Variants in CNTNAP5 observed in about 807,000 individuals in gnomAD.
CNTNAP5 encodes the protein contactin-associated protein-like 5.
CNTNAP5 carries 72 observed loss-of-function variants against 150.2 expected under a neutral mutation model. The ratio of observed to expected loss-of-function variants is 0.48; its 90% CI spans 0.40 to 0.58. The LOEUF is 0.58. CNTNAP5 is among the 20% of genes least tolerant of loss of function. CNTNAP5 has a pLI of 0.00. For missense variants in CNTNAP5, 1,636 were observed against 1,626.2 expected (o/e 1.01, Z -0.10); for synonymous variants, 672 against 619.8 (o/e 1.08, Z -1.25).
chr2:124,109,979 C>T (rs1683258357), intron 1 of CNTNAP5, among the ~76,000 whole-genome samples: 1 of 152,160 alleles, frequency 6.6e-6, no homozygotes, highest in Non-Finnish European at 1.5e-5. Flanking sequence ...CATAACTTCA[C>T]AAAATTACAA....
chr2:124,680,335 T>G (rs1464931891), intron 13 of CNTNAP5, among the ~76,000 whole-genome samples: 3 of 151,890 alleles, frequency 2.0e-5, no homozygotes, highest in Admixed American at 6.7e-5. Context: ...AAACAGTGCA[T>G]GTACTGCCCC....
rs1366493659 is a variant in CNTNAP5 at position 124,760,017 on chromosome 2, A to T, written c.2235-3655A>T. On this transcript the variant is annotated intron_variant, in intron 14 of 23. Coordinates refer to ENST00000682447, the MANE Select transcript of CNTNAP5 (RefSeq NM_001367498.1). Reference sequence around the variant, plus strand: ...CAAAAGAGAAATAATTGCTCCTTAAACAAAGCTAAGACAGAATTATCAGCA... The same window carrying T: ...CAAAAGAGAAATAATTGCTCCTTAATCAAAGCTAAGACAGAATTATCAGCA... Among the ~76,000 whole-genome samples, 5 of 151,258 alleles carry T rather than the reference A, an allele frequency of 3.3e-5. No individual in the cohort carries two copies. In the East Asian group the frequency reaches 9.8e-4, roughly 29 times the overall value.
At chr2:124,754,132 T>C (rs1180766653) in intron 14 of CNTNAP5, among the ~76,000 whole-genome samples, 1 of 152,156 alleles carries the variant, frequency 6.6e-6, no homozygotes, top group Non-Finnish European at 1.5e-5. Flanking sequence ...CCTTCACCTC[T>C]GAGATTCCCA....
chr2:124,366,886 C>G (rs1354247373), intron 3 of CNTNAP5, among the ~76,000 whole-genome samples: 7 of 152,148 alleles, frequency 4.6e-5, no homozygotes, highest in African/African-American at 1.7e-4. Context: ...AAGAGGTTCT[C>G]TTCTGCTGAG....
rs769731055 is a variant in CNTNAP5 at position 124,713,323 on chromosome 2, CTT to C, written c.2078-33904_2078-33903del. ...TTTCTTCTTTCTCTTTCTTTCCTTT[CTT>C]TCTTTCTTTCTTTCTTTCTTTCTTT... On this transcript the variant is annotated intron_variant, in intron 13 of 23. Transcript: ENST00000682447. Among the ~76,000 whole-genome samples the C allele has an allele frequency of 2.5e-3, 106 of 41,906 alleles. 3 individuals carry two copies. Among genetic ancestry groups the C allele is most frequent in the Admixed American group, 4.4e-3 (12 of 2,758 alleles). The allele number at this position is 41,906 out of a possible 152,430, so 27.5% of individuals were successfully genotyped here. A position where few individuals can be genotyped will look rare whatever the true frequency, so the allele number is the denominator to read the frequency against.
chr2:124,363,314 C>G (rs888513125), intron 3 of CNTNAP5, among the ~76,000 whole-genome samples: 2 of 152,128 alleles, frequency 1.3e-5, no homozygotes, highest in African/African-American at 4.8e-5. Flanking sequence ...TTGATTTCAT[C>G]TATTCTCATG....
At chr2:124,845,588 G>C (rs1683032402) in intron 19 of CNTNAP5, among the ~76,000 whole-genome samples, 1 of 151,960 alleles carries the variant, frequency 6.6e-6, no homozygotes, top group African/African-American at 2.4e-5. Context: ...ATTAATGATA[G>C]AATTAAACTG....
At chr2:124,396,877 C>A (rs1005929043) in intron 3 of CNTNAP5, among the ~76,000 whole-genome samples, 2 of 152,120 alleles carry the variant, frequency 1.3e-5, no homozygotes, top group Non-Finnish European at 2.9e-5. Context: ...GAATACAGGT[C>A]CCCCAGTATT....
intron 19 of CNTNAP5, among the ~76,000 whole-genome samples, chr2:124,809,678 G>A (rs1426709826): frequency 1.3e-5 from 2 of 152,108 alleles, no homozygotes; most frequent in Admixed American, 1.3e-4. Context: ...GATAAAATCT[G>A]AGAAATCTCC....
chr2:124,145,810 A>G (rs1357471956), intron 1 of CNTNAP5, among the ~76,000 whole-genome samples: 1 of 8,886 alleles, frequency 1.1e-4, no homozygotes, highest in Non-Finnish European at 2.0e-4. Flanking sequence ...AAAAAAAAAC[A>G]TTAAAAAAAA....
chr2:124,476,552 C>T (rs759669022), intron 7 of CNTNAP5, among the ~76,000 whole-genome samples: 1 of 152,110 alleles, frequency 6.6e-6, no homozygotes, highest in African/African-American at 2.4e-5. Flanking sequence ...GAAGGGGGTT[C>T]CTCATGATAG....
chr2:124,157,530 A>T (rs1684574864), intron 1 of CNTNAP5, among the ~76,000 whole-genome samples: 1 of 151,954 alleles, frequency 6.6e-6, no homozygotes. Flanking sequence ...TTCCTCACTT[A>T]CTTTCTATCT....
chr2:124,614,918 C>A (rs561173420), intron 12 of CNTNAP5, among the ~76,000 whole-genome samples: 2 of 151,914 alleles, frequency 1.3e-5, no homozygotes, highest in Non-Finnish European at 2.9e-5. Context: ...GTCTCTGACA[C>A]AAGTTCATAT....
At chr2:124,667,361 G>T (rs1031837875) in intron 13 of CNTNAP5, among the ~76,000 whole-genome samples, 6 of 152,180 alleles carry the variant, frequency 3.9e-5, no homozygotes, top group African/African-American at 1.4e-4. Flanking sequence ...GACAACTCAG[G>T]TCTGTGCTAT....
intron 3 of CNTNAP5, among the ~76,000 whole-genome samples, chr2:124,329,658 G>A (rs1171000828): frequency 6.6e-6 from 1 of 152,036 alleles, no homozygotes; most frequent in Non-Finnish European, 1.5e-5. Flanking sequence ...TTAGTAGCTC[G>A]GTGGCAAAGG....
At chr2:124,340,291 T>C (rs920305984) in intron 3 of CNTNAP5, among the ~76,000 whole-genome samples, 3 of 152,200 alleles carry the variant, frequency 2.0e-5, no homozygotes, top group Admixed American at 6.5e-5. Flanking sequence ...AGATTTCTCT[T>C]ACTGTTATAA....
At chr2:124,373,364 TC>T (rs1422055769) in intron 3 of CNTNAP5, among the ~76,000 whole-genome samples, 2 of 152,098 alleles carry the variant, frequency 1.3e-5, no homozygotes, top group African/African-American at 4.8e-5. Context: ...AATCAGGATT[TC>T]CCTAAAGGGG....
intron 1 of CNTNAP5, among the ~76,000 whole-genome samples, chr2:124,112,807 A>G (rs1683329976): frequency 6.6e-6 from 1 of 152,102 alleles, no homozygotes; most frequent in Non-Finnish European, 1.5e-5. Flanking sequence ...GTATTTTTCA[A>G]CTCTATAAAC....
intron 4 of CNTNAP5, among the ~76,000 whole-genome samples, chr2:124,421,507 A>T (rs1312933577): frequency 1.3e-5 from 2 of 152,136 alleles, no homozygotes; most frequent in East Asian, 3.9e-4. Flanking sequence ...AGGTATCTTA[A>T]ATCCATGTAC....
Sources: allele counts gnomAD v4.1 joint callset (sites outside exome capture counted in the v4.1 genomes callset), GRCh38; gene constraint gnomAD v4.1.1; transcripts MANE v1.5; gene names NCBI Gene and HGNC (gene_info 2026-07-23, HGNC 2026-07-21).